Variants in PRDM15 observed in about 807,000 individuals in gnomAD.
The protein encoded by PRDM15 is PR domain zinc finger protein 15.
PRDM15 carries 64 observed loss-of-function variants against 128.6 expected under a neutral mutation model. The ratio of observed to expected loss-of-function variants is 0.50; its 90% CI spans 0.41 to 0.61. PRDM15 has a LOEUF of 0.61. Among genes scored for constraint, PRDM15 ranks in the 20% least tolerant of loss-of-function variants. The probability of loss-of-function intolerance (pLI) is 0.00; values close to 1 mark genes in which losing one functional copy is unlikely to be tolerated. For synonymous variants in PRDM15, 615 were observed against 621.8 expected (o/e 0.99, Z 0.16); for missense variants, 1,242 against 1,569.1 (o/e 0.79, Z 3.52).
chr21:41,850,085 A>G (rs899703941), intron 5 of PRDM15, among the ~76,000 whole-genome samples: 1 of 152,266 alleles, frequency 6.6e-6, no homozygotes, highest in Non-Finnish European at 1.5e-5. Flanking sequence ...TTCACCAGAA[A>G]GGTGATTTTG....
intron 2 of PRDM15, among the ~76,000 whole-genome samples, chr21:41,860,102 C>A (rs942352987): frequency 6.6e-6 from 1 of 152,196 alleles, no homozygotes; most frequent in Non-Finnish European, 1.5e-5. Context: ...TGCAAAGTGC[C>A]CTCGGCCAGG....
At chr21:41,852,717 T>C (rs1253761320) in intron 5 of PRDM15, among the ~76,000 whole-genome samples, 1 of 152,212 alleles carries the variant, frequency 6.6e-6, no homozygotes, top group Non-Finnish European at 1.5e-5. Context: ...GGGAGCCGCC[T>C]GGCTCCTCAC....
At chr21:41,871,851 G>A in intron 1 of PRDM15, 1 of 462,264 alleles carries the variant, frequency 2.2e-6, no homozygotes, top group Non-Finnish European at 3.9e-6. Context: ...GACCGGCCCT[G>A]CCGAGTACAG....
Position 41,861,516 on chromosome 21 carries a change from A to G in PRDM15, c.-9-1144T>C, listed in dbSNP as rs774877177. ...GAGATACACACAGTATGTGCCACCA[A>G]ATGATTATTCCTCCTCTGCCCCCCC... On this transcript the variant is annotated intron_variant, in intron 1 of 23. Coordinates refer to ENST00000398548, the MANE Select transcript of PRDM15 (RefSeq NM_001040424.3). 4.7e-6 allele frequency: 7 copies of G among 1,478,794 alleles called. No individual in the cohort carries two copies. The Admixed American group carries it at 7.3e-5, about 15-fold the overall frequency. The allele number at this position is 1,478,794 out of a possible 1,614,324, so 91.6% of individuals were successfully genotyped here.
In PRDM15 at chr21:41,854,528, A is replaced by T; in HGVS notation, c.538+38T>A. The T allele has an allele frequency of 6.2e-7, 1 of 1,608,116 alleles. No individual in the cohort carries two copies. Among genetic ancestry groups the T allele is most frequent in the Non-Finnish European group, 8.5e-7 (1 of 1,179,640 alleles). ...GACCATAACCCCTTCGGCGAGGCAC[A>T]AGGGAAGGTGGGCTCCGGATCGGGG... On this transcript the variant is annotated intron_variant, in intron 5 of 23. Coordinates refer to ENST00000398548, the MANE Select transcript of PRDM15 (RefSeq NM_001040424.3). The surrounding 1 kb of genome is among the most constrained non-coding windows in gnomAD (Gnocchi z 4.6).
At position 41,859,719 on chromosome 21, in the gene PRDM15, G is replaced by T; in HGVS notation, c.38-34C>A. The T allele has an allele frequency of 6.3e-7, 1 of 1,580,412 alleles. No individual in the cohort carries two copies. The highest frequency in any genetic ancestry group is 8.7e-7 in the Non-Finnish European group (1 of 1,151,886). On this transcript the variant is annotated intron_variant, in intron 2 of 23. Transcript: ENST00000398548. The surrounding 1 kb of genome is among the most constrained non-coding windows in gnomAD (Gnocchi z 5.3). Reference sequence around the variant, plus strand: ...AGACATCCGGGCATTAGAGCACCCAGGGAGGGAGACACCTAAAGAACACAA... The same window carrying T: ...AGACATCCGGGCATTAGAGCACCCATGGAGGGAGACACCTAAAGAACACAA...
rs1569039383 is a variant in PRDM15, at chr21:41,878,845, C to CGCGGGCCG, written c.-10+424_-10+425insCGGCCCGC. On this transcript the variant is annotated intron_variant, in intron 1 of 23. Transcript: ENST00000398548. ...CGGCGGGGGCCGCGGGGCCGCGGGC[C>CGCGGGCCG]GGGGCGGCGAAGACCCTGCGCCGCG... 119 of 996,708 alleles carry CGCGGGCCG rather than the reference C, an allele frequency of 1.2e-4. No individual in the cohort carries two copies. In the East Asian group the frequency reaches 1.4e-3, roughly 12 times the overall value. 61.7% of individuals were successfully genotyped at this position (996,708 alleles called of 1,614,324 possible).
intron 1 of PRDM15, chr21:41,871,652 A>T (rs1260969009): frequency 6.3e-7 from 1 of 1,587,624 alleles, no homozygotes; most frequent in Non-Finnish European, 8.6e-7. Context: ...ACGAAAGTAG[A>T]CATGAGAAGC....
At position 41,801,645 on chromosome 21, in the gene PRDM15, G is replaced by A. The variant is rs61740056; in HGVS notation, c.3021C>T (p.Pro1007=). Residue 1007 remains proline, a synonymous_variant, in exon 24 of 24, where the codon CCC becomes CCT. Coordinates refer to ENST00000398548, the MANE Select transcript of PRDM15 (RefSeq NM_001040424.3). The part of the protein sequence containing the change: ...SVGLTNITVT[P]ITTAAATQFT... ...ACTGAGTCGCGGCCGCAGTGGTGAT[G>A]GGGGTCACGGTGATGTTGGTTAAGC... is the stretch of plus-strand genomic sequence containing the variant. 5.9e-3 allele frequency: 9,547 copies of A among 1,614,156 alleles called. 421 individuals carry two copies. The African/African-American group carries it at 0.1, about 18-fold the overall frequency.
Position 41,837,439 on chromosome 21 carries a change from T to A in PRDM15, c.1001+495A>T, listed in dbSNP as rs556630654. On this transcript the variant is annotated intron_variant, in intron 8 of 23. Coordinates refer to ENST00000398548, the MANE Select transcript of PRDM15 (RefSeq NM_001040424.3). ...GCCGGGGTAGAATAAGCCAGTCACA[T>A]AAGGACAAATCCTGTCTGATTCCAC... Among the ~76,000 whole-genome samples, 3 of 152,270 alleles carry A rather than the reference T, an allele frequency of 2.0e-5. No individual in the cohort carries two copies. In the South Asian group the frequency reaches 6.2e-4, roughly 32 times the overall value.
At chr21:41,809,822 A>C (rs1337232946) in intron 21 of PRDM15, among the ~76,000 whole-genome samples, 1 of 152,148 alleles carries the variant, frequency 6.6e-6, no homozygotes, top group Admixed American at 6.5e-5. Flanking sequence ...ACTTGGCCCC[A>C]ACACCACGTG....
chr21:41,835,296 T>C (rs1166423263), intron 11 of PRDM15, 141 bp downstream of exon 11: 1 of 696,248 alleles, frequency 1.4e-6, no homozygotes, highest in East Asian at 2.7e-5. Flanking sequence ...TGAAGCAAAA[T>C]GGACAGAGGG....
intron 7 of PRDM15, among the ~76,000 whole-genome samples, chr21:41,839,286 C>T (rs140703508): frequency 4.6e-5 from 7 of 152,312 alleles, no homozygotes; most frequent in Non-Finnish European, 8.8e-5. Context: ...GTGAGAAATT[C>T]CAGGATGGGT....
At position 41,844,460 on chromosome 21, in the gene PRDM15, G is replaced by C. The variant is rs1430619419; in HGVS notation, c.640+2630C>G. On this transcript the variant is annotated intron_variant, in intron 6 of 23. Coordinates refer to ENST00000398548, the MANE Select transcript of PRDM15 (RefSeq NM_001040424.3). Reference sequence around the variant, plus strand: ...ACACACACACACACACACACACACAGAGCCCCTCCCCCCTCACAGGGACAC... The same window carrying C: ...ACACACACACACACACACACACACACAGCCCCTCCCCCCTCACAGGGACAC... Among the ~76,000 whole-genome samples the C allele has an allele frequency of 2.3e-3, 33 of 14,608 alleles. 1 individual carries two copies. The highest frequency in any genetic ancestry group is 5.1e-3 in the African/African-American group (15 of 2,962). The allele number at this position is 14,608 out of a possible 152,430, so 9.6% of individuals were successfully genotyped here.
intron 13 of PRDM15, 120 bp from the exon 14 acceptor site, chr21:41,823,569 G>T: frequency 9.7e-7 from 1 of 1,026,234 alleles, no homozygotes; most frequent in Non-Finnish European, 1.4e-6. Context: ...TGTGCTCCAG[G>T]CCTTGCATCT....
chr21:41,857,000 C>T (rs905794595), intron 4 of PRDM15, among the ~76,000 whole-genome samples, 176 bp downstream of exon 4: 30 of 152,198 alleles, frequency 2.0e-4, no homozygotes, highest in African/African-American at 6.3e-4. Flanking sequence ...AATATCGATG[C>T]TCTTGCAATG....
intron 6 of PRDM15, among the ~76,000 whole-genome samples, chr21:41,845,508 G>A (rs1018731914): frequency 5.3e-5 from 8 of 151,704 alleles, no homozygotes; most frequent in Non-Finnish European, 8.8e-5. Flanking sequence ...GGACCCCTCC[G>A]GTAATCTGGG....
At chr21:41,826,284 A>T (rs2062468873) in intron 12 of PRDM15, among the ~76,000 whole-genome samples, 1 of 152,198 alleles carries the variant, frequency 6.6e-6, no homozygotes, top group Admixed American at 6.5e-5. Context: ...GGCACAACGT[A>T]TGTGGGATCT....
chr21:41,838,560 G>A (rs1205477804), intron 7 of PRDM15, among the ~76,000 whole-genome samples: 1 of 152,220 alleles, frequency 6.6e-6, no homozygotes, highest in Non-Finnish European at 1.5e-5. Flanking sequence ...AATAGGGGAA[G>A]ATTACACAAA....
Sources: allele counts gnomAD v4.1 joint callset (sites outside exome capture counted in the v4.1 genomes callset), GRCh38; gene constraint gnomAD v4.1.1; non-coding constraint Gnocchi (gnomAD v3.1); transcripts MANE v1.5; gene names NCBI Gene and HGNC (gene_info 2026-07-23, HGNC 2026-07-21).